CNTNAP2: variants seen among roughly 807,000 people sequenced by gnomAD.
The protein encoded by CNTNAP2 is contactin-associated protein-like 2.
A neutral mutation model predicts 155.2 loss-of-function variants in CNTNAP2; 98 were observed. The ratio of observed to expected loss-of-function variants is 0.63; its 90% CI spans 0.54 to 0.75. The LOEUF (loss-of-function observed/expected upper bound fraction) is 0.75. Ranked by LOEUF, CNTNAP2 falls within the 30% of genes least tolerant of loss-of-function variation. CNTNAP2 has a pLI of 0.00. For missense variants in CNTNAP2, 1,727 were observed against 1,688.1 expected (o/e 1.02, Z -0.40); for synonymous variants, 651 against 631.2 (o/e 1.03, Z -0.47).
chr7:147,927,361 G>A (rs141109845), intron 14 of CNTNAP2, among the ~76,000 whole-genome samples: 2,382 of 152,268 alleles, frequency 0.016, 26 homozygotes, highest in Non-Finnish European at 0.025. Flanking sequence ...TTCAGTATTA[G>A]TAGCTAAATA....
intron 13 of CNTNAP2, among the ~76,000 whole-genome samples, chr7:147,776,126 AG>A (rs1209375365): frequency 6.6e-6 from 1 of 152,210 alleles, no homozygotes; most frequent in Non-Finnish European, 1.5e-5. Flanking sequence ...GAATATACAG[AG>A]GAAATCCTGT....
At chr7:146,928,388 G>T (rs372371781) in intron 3 of CNTNAP2, among the ~76,000 whole-genome samples, 3 of 152,216 alleles carry the variant, frequency 2.0e-5, no homozygotes, top group East Asian at 3.9e-4. Context: ...AATGTTGGTC[G>T]TTCTGGGTGA....
chr7:146,725,139 C>T (rs1260165127), intron 1 of CNTNAP2, among the ~76,000 whole-genome samples: 3 of 150,790 alleles, frequency 2.0e-5, no homozygotes, highest in Admixed American at 1.3e-4. Flanking sequence ...TGCTCACTCA[C>T]ATGGTGGTCT....
intron 4 of CNTNAP2, among the ~76,000 whole-genome samples, chr7:147,105,820 G>T (rs1002900433): frequency 1.3e-5 from 2 of 151,964 alleles, no homozygotes; most frequent in African/African-American, 4.8e-5. Context: ...GGGAATCTAG[G>T]TTACAGAGAA....
intron 1 of CNTNAP2, among the ~76,000 whole-genome samples, chr7:146,138,867 A>C (rs865856785): frequency 6.7e-6 from 1 of 149,692 alleles, no homozygotes; most frequent in Non-Finnish European, 1.5e-5. Context: ...GTGTAAAAAT[A>C]ATTCTGAGTA....
chr7:147,490,977 C>A (rs767379107), intron 11 of CNTNAP2, among the ~76,000 whole-genome samples: 4 of 152,268 alleles, frequency 2.6e-5, no homozygotes, highest in Non-Finnish European at 5.9e-5. Context: ...CATGGAGGAA[C>A]TTCGCCCATG....
At chr7:146,428,073 C>T (rs1010905432) in intron 1 of CNTNAP2, among the ~76,000 whole-genome samples, 1 of 152,202 alleles carries the variant, frequency 6.6e-6, no homozygotes. Flanking sequence ...GACATAGTCT[C>T]GTTCCTTGTT....
At chr7:148,157,448 G>A (rs1805419809) in intron 17 of CNTNAP2, among the ~76,000 whole-genome samples, 11 of 151,628 alleles carry the variant, frequency 7.3e-5, no homozygotes, top group Admixed American at 7.2e-4. Context: ...AGCAAGAAGG[G>A]TTTTTCCTTA....
intron 2 of CNTNAP2, among the ~76,000 whole-genome samples, chr7:146,829,300 A>G (rs532728592): frequency 6.6e-6 from 1 of 152,170 alleles, no homozygotes; most frequent in East Asian, 1.9e-4. Flanking sequence ...TGATTTTCAT[A>G]ATGCCATTTA....
intron 15 of CNTNAP2, among the ~76,000 whole-genome samples, chr7:148,047,466 C>G (rs1313284378): frequency 6.6e-6 from 1 of 152,148 alleles, no homozygotes; most frequent in Non-Finnish European, 1.5e-5. Flanking sequence ...CACATCACAG[C>G]CTTCTTGTGC....
intron 3 of CNTNAP2, among the ~76,000 whole-genome samples, chr7:146,930,984 A>G (rs1277797402): frequency 6.6e-6 from 1 of 152,070 alleles, no homozygotes; most frequent in Non-Finnish European, 1.5e-5. Context: ...CACAATAATA[A>G]TGGGAGACTT....
intron 4 of CNTNAP2, among the ~76,000 whole-genome samples, chr7:147,072,094 G>T (rs918126600): frequency 1.3e-5 from 2 of 152,140 alleles, no homozygotes; most frequent in African/African-American, 2.4e-5. Context: ...AGTGATCTGA[G>T]GGAGAACTTC....
Position 147,783,083 on chromosome 7 carries a change from A to G in CNTNAP2, c.2099-120482A>G, listed in dbSNP as rs78595238. Among the ~76,000 whole-genome samples, 1,184 of 152,332 alleles carry G rather than the reference A, an allele frequency of 7.8e-3. 10 individuals are homozygous for G. The highest frequency in any genetic ancestry group is 0.027 in the African/African-American group (1,137 of 41,564). On this transcript the variant is annotated intron_variant, in intron 13 of 23. Coordinates refer to ENST00000361727, the MANE Select transcript of CNTNAP2 (RefSeq NM_014141.6). The stretch of plus-strand genomic sequence containing the variant: ...TTGCCAAATGAAGCAAGCCTTTTTC[A>G]AATGAAATAACGTAGTTTTCACTTA...
chr7:147,158,168 A>G (rs1206892363), intron 8 of CNTNAP2, among the ~76,000 whole-genome samples: 1 of 152,078 alleles, frequency 6.6e-6, no homozygotes, highest in African/African-American at 2.4e-5. Context: ...AAAATGGAAA[A>G]GTGATTAAAC....
At position 146,812,725 on chromosome 7, in the gene CNTNAP2, G is replaced by C. The variant is rs575517401; in HGVS notation, c.209-26986G>C. Among the ~76,000 whole-genome samples, 31 of 152,234 alleles carry C rather than the reference G, an allele frequency of 2.0e-4. No homozygotes were observed. The East Asian group carries it at 5.8e-3, about 29-fold the overall frequency. ...CATGGAGCCAAATGTTAATCACTAAGACAATGGGGAAAATATATCTAGAAC... is the reference window on the plus strand; with the variant it reads ...CATGGAGCCAAATGTTAATCACTAACACAATGGGGAAAATATATCTAGAAC... On this transcript the variant is annotated intron_variant, in intron 2 of 23. Transcript: ENST00000361727.
At chr7:147,413,253 T>C (rs1464126696) in intron 10 of CNTNAP2, among the ~76,000 whole-genome samples, 1 of 152,218 alleles carries the variant, frequency 6.6e-6, no homozygotes, top group Non-Finnish European at 1.5e-5. Context: ...TAGAGTGTTT[T>C]CTTCATGGAG....
At chr7:147,586,259 G>A (rs1200332212) in intron 12 of CNTNAP2, among the ~76,000 whole-genome samples, 2 of 151,950 alleles carry the variant, frequency 1.3e-5, no homozygotes, top group Non-Finnish European at 2.9e-5. Context: ...GTTTGCAAAT[G>A]TTTCTTAACA....
chr7:147,880,164 G>A (rs186207976), intron 13 of CNTNAP2, among the ~76,000 whole-genome samples: 8 of 152,224 alleles, frequency 5.3e-5, no homozygotes, highest in Middle Eastern at 3.4e-3. Context: ...TGGACCTCAC[G>A]CCCTCCTCTA....
chr7:147,431,936 C>G (rs1797473018), intron 10 of CNTNAP2, among the ~76,000 whole-genome samples: 1 of 152,180 alleles, frequency 6.6e-6, no homozygotes, highest in Non-Finnish European at 1.5e-5. Context: ...ACTCTAAAAA[C>G]TCCCAAATTT....
Sources: gnomAD v4.1 joint callset for allele counts (sites outside exome capture counted in the v4.1 genomes callset) on GRCh38, gnomAD v4.1.1 for gene constraint, MANE v1.5 for transcripts, NCBI Gene and HGNC (gene_info 2026-07-23, HGNC 2026-07-21) for gene names.